AOPEP: variants seen among roughly 807,000 people sequenced by gnomAD.
AOPEP encodes aminopeptidase O.
AOPEP carries 77 observed loss-of-function variants against 98.1 expected under a neutral mutation model. The ratio of observed to expected loss-of-function variants is 0.78; its 90% CI spans 0.65 to 0.95. The LOEUF (loss-of-function observed/expected upper bound fraction) is 0.95, where lower values mean the gene tolerates loss of function less well. AOPEP is among the 40% of genes least tolerant of loss of function. The probability of loss-of-function intolerance (pLI) is 0.00; values close to 1 mark genes in which losing one functional copy is unlikely to be tolerated. For missense variants in AOPEP, 1,024 were observed against 1,024.7 expected, an observed-to-expected ratio of 1.00 and a Z score of 0.01; for synonymous variants, 346 against 365.3, an observed-to-expected ratio of 0.95 and a Z score of 0.60.
At chr9:95,006,598 C>T (rs917177242) in intron 13 of AOPEP, among the ~76,000 whole-genome samples, 5 of 152,122 alleles carry the variant, frequency 3.3e-5, no homozygotes, top group Non-Finnish European at 7.3e-5. Flanking sequence ...AAGGAACCAG[C>T]CTGCGAATAT....
chr9:94,995,141 C>A (rs1022592796), intron 11 of AOPEP, among the ~76,000 whole-genome samples: 1 of 152,188 alleles, frequency 6.6e-6, no homozygotes, highest in Non-Finnish European at 1.5e-5. Context: ...TTTGTAGTAG[C>A]TCAGATGTGT....
chr9:94,811,581 A>G (rs889320705), intron 5 of AOPEP, among the ~76,000 whole-genome samples: 2 of 152,112 alleles, frequency 1.3e-5, no homozygotes, highest in Admixed American at 6.5e-5. Context: ...TGGCTTTGAT[A>G]TCTCCTTGCA....
At chr9:95,145,873 C>T in the AOPEP span, among the ~76,000 whole-genome samples, 1 of 151,912 alleles carries the variant, frequency 6.6e-6, no homozygotes, top group Non-Finnish European at 1.5e-5. Flanking sequence ...ATTATTTCAA[C>T]AAATAATTTC....
At chr9:94,995,707 T>A (rs758816160) in intron 11 of AOPEP, among the ~76,000 whole-genome samples, 1 of 152,184 alleles carries the variant, frequency 6.6e-6, no homozygotes, top group Non-Finnish European at 1.5e-5. Flanking sequence ...TATAAAAGCA[T>A]TCAGAAACTC....
At chr9:95,141,643 A>G in the AOPEP span, among the ~76,000 whole-genome samples, 3 of 152,208 alleles carry the variant, frequency 2.0e-5, no homozygotes, top group Non-Finnish European at 4.4e-5. Flanking sequence ...GAGGGTATTC[A>G]AAAGAATCTG....
chr9:94,961,040 C>T (rs905389997), intron 9 of AOPEP, among the ~76,000 whole-genome samples: 2 of 149,314 alleles, frequency 1.3e-5, no homozygotes, highest in Admixed American at 6.7e-5. Context: ...GAATGCTTGC[C>T]TGTTTTCTTT....
At chr9:94,976,210 C>T (rs1009546258) in intron 10 of AOPEP, among the ~76,000 whole-genome samples, 3 of 152,200 alleles carry the variant, frequency 2.0e-5, no homozygotes, top group South Asian at 2.1e-4. Flanking sequence ...AGAACCTTTG[C>T]CCAGCAGCCA....
intron 10 of AOPEP, among the ~76,000 whole-genome samples, chr9:94,968,603 C>T (rs2059350095): frequency 6.6e-6 from 1 of 152,156 alleles, no homozygotes; most frequent in African/African-American, 2.4e-5. Flanking sequence ...TCTCAAACTC[C>T]TGACCTCAAG....
At chr9:95,089,408 C>T (rs180712746), downstream of AOPEP, among the ~76,000 whole-genome samples, 46 of 152,306 alleles carry the variant, frequency 3.0e-4, 1 homozygote, top group East Asian at 6.9e-3. Context: ...TGGATGAAGA[C>T]GGGCTGTCTG....
intron 2 of AOPEP, among the ~76,000 whole-genome samples, chr9:94,769,503 A>C (rs1564100811): frequency 6.6e-6 from 1 of 152,202 alleles, no homozygotes; most frequent in African/African-American, 2.4e-5. Context: ...CCTCCCTCTT[A>C]TGTGATTGTT....
intron 5 of AOPEP, among the ~76,000 whole-genome samples, chr9:94,827,486 G>T (rs1380094900): frequency 2.0e-5 from 3 of 152,162 alleles, no homozygotes; most frequent in Admixed American, 1.3e-4. Flanking sequence ...ATTCATAAGA[G>T]AATGTTCCAT....
At chr9:94,849,000 A>C (rs1015460869) in intron 5 of AOPEP, among the ~76,000 whole-genome samples, 8 of 152,172 alleles carry the variant, frequency 5.3e-5, no homozygotes, top group African/African-American at 1.7e-4. Flanking sequence ...GCTGGTCACA[A>C]ACTCCTGACC....
intron 5 of AOPEP, among the ~76,000 whole-genome samples, chr9:94,913,356 G>C (rs762296099): frequency 3.3e-5 from 5 of 152,184 alleles, no homozygotes; most frequent in Non-Finnish European, 5.9e-5. Context: ...ACCTTTCAGA[G>C]GGACATGCTG....
chr9:94,964,082 C>A (rs2059028137), intron 9 of AOPEP, among the ~76,000 whole-genome samples: 1 of 152,176 alleles, frequency 6.6e-6, no homozygotes, highest in Non-Finnish European at 1.5e-5. Flanking sequence ...GGATGGAACA[C>A]AGAACAGAAG....
intron 5 of AOPEP, among the ~76,000 whole-genome samples, chr9:94,849,203 C>T (rs1276883820): frequency 6.6e-6 from 1 of 152,148 alleles, no homozygotes; most frequent in Non-Finnish European, 1.5e-5. Flanking sequence ...TTTTGTTTAA[C>T]ATGAAATTCT....
At chr9:95,046,847 A>C (rs1398677863) in intron 13 of AOPEP, among the ~76,000 whole-genome samples, 2 of 152,228 alleles carry the variant, frequency 1.3e-5, no homozygotes, top group Admixed American at 6.5e-5. Context: ...CAGGAAACTA[A>C]AGTTGTAAGT....
At chr9:94,932,102 C>T (rs1754125813) in intron 7 of AOPEP, 2 of 1,049,972 alleles carry the variant, frequency 1.9e-6, no homozygotes, top group African/African-American at 1.7e-5. Context: ...ATATTCCTGT[C>T]TTCAGGGAAC....
intron 3 of AOPEP, among the ~76,000 whole-genome samples, chr9:94,776,059 A>G (rs983419786): frequency 1.3e-5 from 2 of 152,048 alleles, no homozygotes; most frequent in African/African-American, 4.8e-5. Context: ...TTATAGAAGA[A>G]CAAAGGACAA....
At chr9:94,833,235 C>CT (rs34212567) in intron 5 of AOPEP, among the ~76,000 whole-genome samples, 6,780 of 70,184 alleles carry the variant, frequency 0.097, 661 homozygotes, top group South Asian at 0.17. Flanking sequence ...CACACCCGTC[C>CT]TTTTTTTTTT....
Sources: allele counts gnomAD v4.1 joint callset (sites outside exome capture counted in the v4.1 genomes callset), GRCh38; gene constraint gnomAD v4.1.1; transcripts MANE v1.5; gene names NCBI Gene and HGNC (gene_info 2026-07-23, HGNC 2026-07-21).